TMEM87A: variants seen among roughly 807,000 people sequenced by gnomAD.
TMEM87A encodes the protein Golgi-pH regulating cation channel.
Under a neutral mutation model 90.0 loss-of-function variants are expected in TMEM87A, and 50 were observed. That is an observed-to-expected ratio of 0.56 (90% CI 0.44 to 0.70). TMEM87A has a LOEUF of 0.70. Ranked by LOEUF, TMEM87A falls within the 30% of genes least tolerant of loss-of-function variation. The pLI, the probability that TMEM87A is intolerant of heterozygous loss-of-function variation, is 0.00. For synonymous variants in TMEM87A, 226 were observed against 226.7 expected (o/e 1.00, Z 0.03); for missense variants, 577 against 660.5 (o/e 0.87, Z 1.39).
chr15:42,234,495 C>G (rs543592726), intron 10 of TMEM87A, among the ~76,000 whole-genome samples: 1 of 152,134 alleles, frequency 6.6e-6, no homozygotes, highest in Non-Finnish European at 1.5e-5. Context: ...ATATAGGAGG[C>G]ACTCAAATAA....
chr15:42,231,840 A>C (rs1305964086), intron 11 of TMEM87A: 1 of 1,257,644 alleles, frequency 8.0e-7, no homozygotes, highest in Non-Finnish European at 1.0e-6. Context: ...TACTGAAAGG[A>C]TATCCATAAA....
intron 10 of TMEM87A, among the ~76,000 whole-genome samples, chr15:42,234,287 C>A (rs541283918): frequency 1.3e-5 from 2 of 152,326 alleles, no homozygotes; most frequent in East Asian, 3.9e-4. Flanking sequence ...AAATCCTACA[C>A]AACCAGAATC....
In TMEM87A at chr15:42,267,950, G is replaced by C; in HGVS notation, c.288C>G (p.Phe96Leu). 6.2e-7 allele frequency: 1 copy of C among 1,610,622 alleles called. No homozygotes were observed. The highest frequency in any genetic ancestry group is 1.1e-5 in the South Asian group (1 of 90,552). ...TCTGTAATTTTATGTTCCTTACCTT[G>C]AAGTTATAGATTTCATTGTAACAAT... ...SADCYNEIYNFKAEEVELYLE... is the reference protein window; with the variant it reads ...SADCYNEIYNLKAEEVELYLE... The change falls in exon 3 of 20, where the codon TTC (phenylalanine) becomes TTG (leucine). Residue 96 changes from phenylalanine (F) to leucine (L), a missense_variant. Phe to Leu is a conservative substitution (Grantham distance 22, BLOSUM62 0). Transcript: ENST00000389834.
chr15:42,216,961 C>CTTTTT (rs200586475), intron 19 of TMEM87A, among the ~76,000 whole-genome samples: 1 of 138,386 alleles, frequency 7.2e-6, no homozygotes, highest in African/African-American at 2.7e-5. Flanking sequence ...TTTTTCTTTT[C>CTTTTT]TTTTTTTTTT....
intron 6 of TMEM87A, among the ~76,000 whole-genome samples, chr15:42,249,473 T>C (rs934426699): frequency 1.8e-4 from 28 of 152,266 alleles, no homozygotes; most frequent in African/African-American, 6.5e-4. Context: ...GAGATTCTGG[T>C]ATGTTGTGTC....
chr15:42,236,540 A>C, intron 9 of TMEM87A, 121 bp from the exon 10 acceptor site: 1 of 771,866 alleles, frequency 1.3e-6, no homozygotes, highest in Non-Finnish European at 2.2e-6. Flanking sequence ...TCCTGCTAAA[A>C]TAGAATACCT....
intron 2 of TMEM87A, among the ~76,000 whole-genome samples, chr15:42,270,490 G>A (rs7169136): frequency 0.72 from 108,116 of 150,692 alleles, 41,527 homozygotes; most frequent in Non-Finnish European, 0.86. Flanking sequence ...CAGCTACTCG[G>A]GAGGCTGAGG....
chr15:42,241,190 G>A (rs1179169499), intron 7 of TMEM87A, among the ~76,000 whole-genome samples: 1 of 152,156 alleles, frequency 6.6e-6, no homozygotes, highest in East Asian at 1.9e-4. Flanking sequence ...TTATTTGACA[G>A]GCCTATGGAA....
intron 11 of TMEM87A, among the ~76,000 whole-genome samples, chr15:42,232,647 G>C (rs1223078533): frequency 6.7e-6 from 1 of 149,440 alleles, no homozygotes. Flanking sequence ...CTAATTTCTC[G>C]TATTTTTTTT....
intron 12 of TMEM87A, among the ~76,000 whole-genome samples, chr15:42,230,014 T>G (rs566845356): frequency 6.6e-6 from 1 of 152,164 alleles, no homozygotes; most frequent in Non-Finnish European, 1.5e-5. Flanking sequence ...TTTGTAGAGA[T>G]AGGGCTTCGC....
intron 2 of TMEM87A, among the ~76,000 whole-genome samples, chr15:42,270,848 G>T (rs138386750): frequency 6.6e-6 from 1 of 152,168 alleles, no homozygotes; most frequent in Non-Finnish European, 1.5e-5. Context: ...ATTCTTCAGA[G>T]AAATTCTACC....
intron 6 of TMEM87A, among the ~76,000 whole-genome samples, chr15:42,253,536 G>C (rs1012851359): frequency 3.3e-5 from 5 of 152,152 alleles, no homozygotes; most frequent in Admixed American, 2.0e-4. Context: ...GGTTCCTTCA[G>C]GGAGCCTCCA....
chr15:42,249,201 G>A (rs2051038154), intron 6 of TMEM87A, among the ~76,000 whole-genome samples: 1 of 151,802 alleles, frequency 6.6e-6, no homozygotes. Flanking sequence ...CTTGCTAGAG[G>A]TCTATTTGGT....
intron 4 of TMEM87A, 43 bp from the exon 5 acceptor site, chr15:42,261,292 A>C: frequency 6.4e-7 from 1 of 1,558,004 alleles, no homozygotes. Flanking sequence ...GTGTGTAAAT[A>C]CTAGAAGAAA....
At chr15:42,240,078 A>G (rs2050842457) in intron 7 of TMEM87A, among the ~76,000 whole-genome samples, 1 of 152,202 alleles carries the variant, frequency 6.6e-6, no homozygotes, top group South Asian at 2.1e-4. Context: ...CATACTCTAA[A>G]TTCTAAACAT....
At chr15:42,265,003 C>T (rs1476204267) in intron 3 of TMEM87A, among the ~76,000 whole-genome samples, 1 of 152,032 alleles carries the variant, frequency 6.6e-6, no homozygotes, top group Non-Finnish European at 1.5e-5. Context: ...GCCTCCAGCT[C>T]CTTCTGTGTT....
rs1441258970 is a variant in TMEM87A, at chr15:42,236,432, AG to A, written c.869-14del. On this transcript the variant is annotated splice_polypyrimidine_tract_variant and intron_variant, in intron 9 of 19. Transcript: ENST00000389834. The stretch of plus-strand genomic sequence containing the variant: ...AAAGCACCCTGGACTATGAAAAAGA[AG>A]GGAAGAAATGGCACCATAATCTAGG... 3 of 1,612,878 alleles carry A rather than the reference AG, an allele frequency of 1.9e-6. No homozygotes were observed. Among genetic ancestry groups the A allele is most frequent in the Non-Finnish European group, 2.5e-6 (3 of 1,178,918 alleles).
intron 8 of TMEM87A, among the ~76,000 whole-genome samples, chr15:42,238,626 G>C (rs372664261): frequency 2.6e-5 from 4 of 152,104 alleles, no homozygotes; most frequent in African/African-American, 9.6e-5. Flanking sequence ...GCACACGCCT[G>C]TTGTCCTAGC....
chr15:42,238,033 G>A (rs964899082), intron 8 of TMEM87A, among the ~76,000 whole-genome samples: 19 of 137,888 alleles, frequency 1.4e-4, no homozygotes, highest in African/African-American at 8.1e-5. Context: ...GTGTGTGTGT[G>A]TGTATGTATG....
Sources: allele counts gnomAD v4.1 joint callset (sites outside exome capture counted in the v4.1 genomes callset), GRCh38; gene constraint gnomAD v4.1.1; transcripts MANE v1.5; gene names NCBI Gene and HGNC (gene_info 2026-07-23, HGNC 2026-07-21).